UGGT2: variants seen among roughly 807,000 people sequenced by gnomAD.
UGGT2 encodes the protein UDP-glucose:glycoprotein glucosyltransferase 2.
Under a neutral mutation model 192.1 loss-of-function variants are expected in UGGT2, and 180 were observed. The observed-to-expected ratio is 0.94, with a 90% CI of 0.83 to 1.06. The LOEUF is 1.06. Ranked by LOEUF, UGGT2 falls within the 50% of genes least tolerant of loss-of-function variation. The probability of loss-of-function intolerance (pLI) is 0.00; values close to 1 mark genes in which losing one functional copy is unlikely to be tolerated. For synonymous variants in UGGT2, 580 were observed against 591.0 expected, an observed-to-expected ratio of 0.98 and a Z score of 0.27; for missense variants, 1,849 against 1,795.7, an observed-to-expected ratio of 1.03 and a Z score of -0.54.
chr13:96,022,178 T>C (rs911490942), intron 4 of UGGT2, among the ~76,000 whole-genome samples: 4 of 151,962 alleles, frequency 2.6e-5, no homozygotes, highest in African/African-American at 9.7e-5. Context: ...ATGAATACAA[T>C]TGACTAGGTA....
chr13:95,824,692 T>TA (rs1885842063), intron 38 of UGGT2, among the ~76,000 whole-genome samples: 2 of 152,072 alleles, frequency 1.3e-5, no homozygotes, highest in Non-Finnish European at 1.5e-5. Context: ...TCCTGAATTT[T>TA]AAAAAAATTA....
chr13:95,832,837 T>C (rs1886870090), intron 38 of UGGT2, 90 bp downstream of exon 38: 1 of 1,541,502 alleles, frequency 6.5e-7, no homozygotes, highest in Admixed American at 1.8e-5. Context: ...TTAATCATTT[T>C]ATAAATTCAC....
At chr13:95,840,199 T>A (rs537226937) in intron 36 of UGGT2, among the ~76,000 whole-genome samples, 1 of 152,000 alleles carries the variant, frequency 6.6e-6, no homozygotes, top group Non-Finnish European at 1.5e-5. Context: ...ACAAATGGGA[T>A]CTATTTAAAC....
chr13:95,975,617 G>A (rs2140818020), intron 10 of UGGT2, among the ~76,000 whole-genome samples: 1 of 152,220 alleles, frequency 6.6e-6, no homozygotes, highest in East Asian at 1.9e-4. Flanking sequence ...TTTCCTTAAA[G>A]AAGAGGGAAC....
chr13:96,053,365 C>G lies in UGGT2; in HGVS notation c.-53G>C. On this transcript the variant is annotated 5_prime_UTR_variant, in exon 1 of 39. Coordinates refer to ENST00000376747, the MANE Select transcript of UGGT2 (RefSeq NM_020121.4). Reference sequence around the variant, plus strand: ...CGGACCCGGTACCCACAGTCTGTGGCCGCCACGCTTCGGCCGGCTCTTCCC... The same window carrying G: ...CGGACCCGGTACCCACAGTCTGTGGGCGCCACGCTTCGGCCGGCTCTTCCC... The G allele has an allele frequency of 6.5e-7, 1 of 1,546,354 alleles. No individual in the cohort carries two copies. Among genetic ancestry groups the G allele is most frequent in the South Asian group, 1.2e-5 (1 of 83,806 alleles).
rs113502562 is a variant in UGGT2, at chr13:95,917,980, G to A, written c.2295+7700C>T. On this transcript the variant is annotated intron_variant, in intron 20 of 38. Coordinates refer to ENST00000376747, the MANE Select transcript of UGGT2 (RefSeq NM_020121.4). ...CATTAACAGTATTAGACAGATCATC[G>A]AGACAGAAAATTAACAAAAATATTC... 6.6e-5 allele frequency among the ~76,000 whole-genome samples: 10 copies of A among 152,146 alleles called. No homozygotes were observed. In the South Asian group the frequency reaches 8.3e-4, roughly 13 times the overall value.
intron 10 of UGGT2, among the ~76,000 whole-genome samples, chr13:95,978,978 T>A (rs1168627995): frequency 6.6e-6 from 1 of 152,198 alleles, no homozygotes; most frequent in African/African-American, 2.4e-5. Flanking sequence ...TATTTGAATA[T>A]CTGCATTTTA....
chr13:95,952,245 C>T (rs1214907926), intron 12 of UGGT2, among the ~76,000 whole-genome samples: 2 of 151,808 alleles, frequency 1.3e-5, no homozygotes, highest in Non-Finnish European at 2.9e-5. Context: ...AAAAAAGATA[C>T]GACGGCCCCA....
chr13:95,995,785 CAGAA>C, intron 7 of UGGT2: 1 of 389,784 alleles, frequency 2.6e-6, no homozygotes. Context: ...AAAATATTCA[CAGAA>C]AGACTGGAAA....
At chr13:95,979,700 G>T (rs2051054742) in intron 10 of UGGT2, among the ~76,000 whole-genome samples, 2 of 151,962 alleles carry the variant, frequency 1.3e-5, no homozygotes, top group South Asian at 4.1e-4. Flanking sequence ...AAAAAGGACA[G>T]CAGAGTTAGC....
chr13:96,035,697 T>G (rs1453990389), intron 1 of UGGT2, among the ~76,000 whole-genome samples: 2 of 151,766 alleles, frequency 1.3e-5, no homozygotes, highest in Non-Finnish European at 2.9e-5. Flanking sequence ...TATAAGGAAC[T>G]TCAACAAATT....
At chr13:95,965,028 A>C (rs1236885381) in intron 12 of UGGT2, among the ~76,000 whole-genome samples, 6 of 150,994 alleles carry the variant, frequency 4.0e-5, no homozygotes, top group Non-Finnish European at 8.9e-5. Flanking sequence ...ATGCAAATCA[A>C]AACCACAATG....
rs1186324205 is a variant in UGGT2 at position 95,894,677 on chromosome 13, A to C, written c.2760-20T>G. ...CTCATGCTAGATAAACAAGACAAACAGTGTATGAGTTTTTTGGAAAGAGTT... is the reference window on the plus strand; with the variant it reads ...CTCATGCTAGATAAACAAGACAAACCGTGTATGAGTTTTTTGGAAAGAGTT... On this transcript the variant is annotated intron_variant, in intron 23 of 38. Coordinates refer to ENST00000376747, the MANE Select transcript of UGGT2 (RefSeq NM_020121.4). 2 of 1,586,826 alleles carry C rather than the reference A, an allele frequency of 1.3e-6. No individual in the cohort carries two copies. The highest frequency in any genetic ancestry group is 2.7e-5 in the African/African-American group (2 of 73,780).
chr13:95,865,547 C>T (rs778728717), intron 30 of UGGT2, among the ~76,000 whole-genome samples: 2 of 152,098 alleles, frequency 1.3e-5, no homozygotes, highest in African/African-American at 2.4e-5. Flanking sequence ...GCCTGTGGTC[C>T]CAGTTACTCA....
At chr13:95,843,050 G>A (rs2139961137) in intron 36 of UGGT2, among the ~76,000 whole-genome samples, 1 of 152,278 alleles carries the variant, frequency 6.6e-6, no homozygotes, top group South Asian at 2.1e-4. Flanking sequence ...TCTAGATTTT[G>A]GCTTTTATGA....
Position 95,949,444 on chromosome 13 carries a change from T to C in UGGT2, c.1346A>G (p.Asp449Gly), listed in dbSNP as rs758041389. ...IRHSSIMWIN[D>G]LENDDLYITW... ...AATATACAAATCATCATTTTCTAAG[T>C]CATTAATCCACTAGAAAAGAACGCA... is the stretch of plus-strand genomic sequence containing the variant. The change falls in exon 13 of 39, where the codon GAC becomes GGC. Residue 449 changes from aspartate to glycine, a missense_variant. By Grantham distance (94) the Asp-to-Gly change is moderately conservative (BLOSUM62 -1). Coordinates refer to ENST00000376747, the MANE Select transcript of UGGT2 (RefSeq NM_020121.4). 3 of 1,504,780 alleles carry C rather than the reference T, an allele frequency of 2.0e-6. No individual in the cohort carries two copies. In the Admixed American group the frequency reaches 6.1e-5, roughly 30 times the overall value. The allele number at this position is 1,504,780 out of a possible 1,614,324, so 93.2% of individuals were successfully genotyped here.
intron 24 of UGGT2, among the ~76,000 whole-genome samples, chr13:95,892,947 T>C (rs746243910): frequency 7.2e-5 from 11 of 152,136 alleles, no homozygotes; most frequent in Non-Finnish European, 1.2e-4. Flanking sequence ...GTTCCTGGGA[T>C]GATGGGGTGA....
At chr13:95,884,428 G>C (rs1674735412) in intron 27 of UGGT2, 63 bp downstream of exon 27, 1 of 1,333,334 alleles carries the variant, frequency 7.5e-7, no homozygotes. Flanking sequence ...TGCTACAATT[G>C]TAATAGCTGA....
intron 12 of UGGT2, among the ~76,000 whole-genome samples, chr13:95,953,617 AG>A (rs1347736013): frequency 6.6e-6 from 1 of 152,196 alleles, no homozygotes; most frequent in African/African-American, 2.4e-5. Context: ...TTTTAAAAGA[AG>A]AAAATTTTTT....
Sources: gnomAD v4.1 joint callset for allele counts (sites outside exome capture counted in the v4.1 genomes callset) on GRCh38, gnomAD v4.1.1 for gene constraint, MANE v1.5 for transcripts, NCBI Gene and HGNC (gene_info 2026-07-23, HGNC 2026-07-21) for gene names.